Variants in MSTO1 observed in about 807,000 individuals in gnomAD.
MSTO1 encodes the protein protein misato homolog 1.
Under a neutral mutation model 55.7 loss-of-function variants are expected in MSTO1, and 24 were observed. The observed-to-expected ratio is 0.43, with a 90% CI of 0.31 to 0.61. The LOEUF (loss-of-function observed/expected upper bound fraction) is 0.61, where lower values mean the gene tolerates loss of function less well. Among genes scored for constraint, MSTO1 ranks in the 20% least tolerant of loss-of-function variants. The pLI is 0.09. For missense variants in MSTO1, 363 were observed against 625.7 expected (o/e 0.58, Z 4.48); for synonymous variants, 162 against 252.8 (o/e 0.64, Z 3.41).
At chr1:155,591,300 C>T in the MSTO1 span, 6 of 1,475,978 alleles carry the variant, frequency 4.1e-6, no homozygotes, top group Admixed American at 2.0e-5. Context: ...AGGAGATATG[C>T]GAAATTCCTA....
the MSTO1 span, among the ~76,000 whole-genome samples, chr1:155,599,704 G>A: frequency 6.6e-6 from 1 of 152,178 alleles, no homozygotes. Flanking sequence ...AGTTCCCTTA[G>A]TATTTATTGA....
chr1:155,607,183 T>G (rs1362101253), upstream of MSTO1, among the ~76,000 whole-genome samples: 4 of 151,784 alleles, frequency 2.6e-5, no homozygotes, highest in Admixed American at 1.3e-4. Context: ...AGGTTTTTTG[T>G]TTGTTTGTTT....
chr1:155,575,650 C>T, the MSTO1 span, among the ~76,000 whole-genome samples: 2 of 151,876 alleles, frequency 1.3e-5, no homozygotes, highest in African/African-American at 4.8e-5. Context: ...CATTATGTTA[C>T]CCAGGCTGGT....
upstream of MSTO1, among the ~76,000 whole-genome samples, chr1:155,609,108 T>A (rs1481096971): frequency 6.6e-6 from 1 of 151,190 alleles, no homozygotes; most frequent in South Asian, 2.1e-4. Flanking sequence ...ATTACAGGCG[T>A]AAACTACCGC....
At chr1:155,567,851 A>AT in the MSTO1 span, among the ~76,000 whole-genome samples, 3 of 151,386 alleles carry the variant, frequency 2.0e-5, no homozygotes, top group East Asian at 6.1e-4. Flanking sequence ...CCTGGCCAAC[A>AT]TGATGAAACC....
chr1:155,598,378 G>T, the MSTO1 span, among the ~76,000 whole-genome samples: 1 of 152,138 alleles, frequency 6.6e-6, no homozygotes, highest in Non-Finnish European at 1.5e-5. Context: ...GCCTCACAAA[G>T]TGCTAGAATT....
the MSTO1 span, among the ~76,000 whole-genome samples, chr1:155,590,192 G>A: frequency 6.6e-6 from 1 of 152,068 alleles, no homozygotes; most frequent in Non-Finnish European, 1.5e-5. Flanking sequence ...AGGAGCTCCA[G>A]AGGCCTGAGT....
the MSTO1 span, among the ~76,000 whole-genome samples, chr1:155,571,944 A>C: frequency 6.6e-6 from 1 of 151,680 alleles, no homozygotes; most frequent in Non-Finnish European, 1.5e-5. Context: ...TGGGAGGCTG[A>C]GGCAGGAGAA....
the MSTO1 span, among the ~76,000 whole-genome samples, chr1:155,600,036 C>A: frequency 1.3e-5 from 2 of 152,216 alleles, no homozygotes; most frequent in African/African-American, 4.8e-5. Flanking sequence ...GTCTCAACTG[C>A]AAGAGGCATG....
At chr1:155,565,308 A>G in the MSTO1 span, among the ~76,000 whole-genome samples, 1 of 151,888 alleles carries the variant, frequency 6.6e-6, no homozygotes, top group Non-Finnish European at 1.5e-5. Flanking sequence ...AAAAAAAAAA[A>G]AAAGAAAAAG....
At chr1:155,570,565 A>G in the MSTO1 span, among the ~76,000 whole-genome samples, 1 of 152,184 alleles carries the variant, frequency 6.6e-6, no homozygotes, top group Non-Finnish European at 1.5e-5. Flanking sequence ...TTATCTTATA[A>G]GCGTTTTATC....
At chr1:155,601,818 A>G in the MSTO1 span, among the ~76,000 whole-genome samples, 37,266 of 151,806 alleles carry the variant, frequency 0.25, 5,443 homozygotes, top group East Asian at 0.7. Context: ...GCAGTGGCGC[A>G]ATCTCGGTTC....
At chr1:155,587,690 GC>G in the MSTO1 span, among the ~76,000 whole-genome samples, 4 of 149,202 alleles carry the variant, frequency 2.7e-5, no homozygotes, top group African/African-American at 9.9e-5. Flanking sequence ...CTTGCAGTGA[GC>G]CGAGATCGCG....
the MSTO1 span, chr1:155,590,704 G>C: frequency 3.9e-6 from 6 of 1,540,552 alleles, no homozygotes; most frequent in South Asian, 7.3e-5. Context: ...TGACCCCCCG[G>C]AGGGGCAAGT....
At chr1:155,608,532 C>T (rs915920773), upstream of MSTO1, among the ~76,000 whole-genome samples, 14 of 138,594 alleles carry the variant, frequency 1.0e-4, no homozygotes, top group Non-Finnish European at 2.0e-4. Flanking sequence ...TGGAGTCTGG[C>T]TCTGTTGCCC....
rs780021545 is a variant in MSTO1 at position 155,610,224 on chromosome 1, C to T, written c.-25C>T. On this transcript the variant is annotated 5_prime_UTR_variant, in exon 1 of 14. Transcript: ENST00000245564. The stretch of plus-strand genomic sequence containing the variant: ...AGCAGCGAGCGGCGCGGCTGAGGCG[C>T]GGCGGCCCCGTGGAGCAGCGCAGTA... 35 of 608,150 alleles carry T rather than the reference C, an allele frequency of 5.8e-5. No individual in the cohort carries two copies. Among genetic ancestry groups the T allele is most frequent in the Non-Finnish European group, 9.8e-5 (33 of 337,824 alleles). The allele number at this position is 608,150 out of a possible 1,614,324, so 37.7% of individuals were successfully genotyped here. A position where few individuals can be genotyped will look rare whatever the true frequency, so the allele number is the denominator to read the frequency against.
Position 155,610,465 on chromosome 1 carries a change from C to G in MSTO1, c.125C>G (p.Pro42Arg), listed in dbSNP as rs1251057750. 3 of 818,324 alleles carry G rather than the reference C, an allele frequency of 3.7e-6. No homozygotes were observed. The highest frequency in any genetic ancestry group is 5.8e-6 in the Non-Finnish European group (3 of 518,658). The allele number at this position is 818,324 out of a possible 1,614,324, so 50.7% of individuals were successfully genotyped here. ...LGRATDSKEP[P>R]GELCPDVLYR... ...CGAGCGACCGATTCCAAGGAGCCCCCGGGAGAGCTGTGCCCCGACGTCCTG... is the reference window on the plus strand; with the variant it reads ...CGAGCGACCGATTCCAAGGAGCCCCGGGGAGAGCTGTGCCCCGACGTCCTG... The change falls in exon 2 of 14, where the codon CCG becomes CGG. Residue 42 changes from proline to arginine, a missense_variant. Transcript: ENST00000245564.
chr1:155,591,656 GGC>G, the MSTO1 span, among the ~76,000 whole-genome samples: 1 of 152,034 alleles, frequency 6.6e-6, no homozygotes, highest in African/African-American at 2.4e-5. Context: ...CAGGCGTGGT[GGC>G]GCATGCCTGT....
At chr1:155,592,858 TA>T in the MSTO1 span, among the ~76,000 whole-genome samples, 1,821 of 152,042 alleles carry the variant, frequency 0.012, 29 homozygotes, top group African/African-American at 0.042. Context: ...ACAGTTACTT[TA>T]TATTAAATGG....
Sources: allele counts gnomAD v4.1 joint callset (sites outside exome capture counted in the v4.1 genomes callset), GRCh38; gene constraint gnomAD v4.1.1; transcripts MANE v1.5; gene names NCBI Gene and HGNC (gene_info 2026-07-23, HGNC 2026-07-21).